NAV2: variants seen among roughly 807,000 people sequenced by gnomAD.
NAV2 encodes the protein helicase, APC down-regulated 1.
A neutral mutation model predicts 223.2 loss-of-function variants in NAV2; 54 were observed. The ratio of observed to expected loss-of-function variants is 0.24; its 90% confidence interval spans 0.19 to 0.30. NAV2 has a LOEUF of 0.30. Ranked by LOEUF, NAV2 falls within the 10% of genes least tolerant of loss-of-function variation. The probability of loss-of-function intolerance (pLI) is 1.00; values close to 1 mark genes in which losing one functional copy is unlikely to be tolerated. For synonymous variants in NAV2, 1,279 were observed against 1,239.3 expected, an observed-to-expected ratio of 1.03 and a Z score of -0.67; for missense variants, 2,806 against 3,147.5, an observed-to-expected ratio of 0.89 and a Z score of 2.60.
chr11:19,529,734 C>T (rs1254541596), intron 1 of NAV2, among the ~76,000 whole-genome samples: 3 of 152,128 alleles, frequency 2.0e-5, no homozygotes, highest in Admixed American at 2.0e-4. Flanking sequence ...CAGGGCACCC[C>T]CTTGTCCTGA....
intron 1 of NAV2, among the ~76,000 whole-genome samples, chr11:19,772,683 T>G (rs1191745052): frequency 1.3e-5 from 2 of 152,208 alleles, no homozygotes; most frequent in African/African-American, 4.8e-5. Flanking sequence ...TTTGTCATTT[T>G]AAGACCATGT....
intron 6 of NAV2, among the ~76,000 whole-genome samples, chr11:19,917,191 C>A (rs2043872862): frequency 6.6e-6 from 1 of 152,154 alleles, no homozygotes; most frequent in Admixed American, 6.5e-5. Flanking sequence ...CTGTGAGTTC[C>A]CATGAGGTGC....
At chr11:19,672,436 T>G (rs1180544536) in intron 1 of NAV2, among the ~76,000 whole-genome samples, 1 of 152,216 alleles carries the variant, frequency 6.6e-6, no homozygotes, top group African/African-American at 2.4e-5. Context: ...TATTCCTGGC[T>G]CTGCCACCAA....
intron 1 of NAV2, among the ~76,000 whole-genome samples, chr11:19,732,005 CT>C (rs2152419914): frequency 6.6e-6 from 1 of 152,180 alleles, no homozygotes; most frequent in East Asian, 1.9e-4. Context: ...AGAGTATGGG[CT>C]GGGAGGCTGA....
intron 1 of NAV2, among the ~76,000 whole-genome samples, chr11:19,669,233 C>T (rs1475224631): frequency 6.6e-6 from 1 of 152,344 alleles, no homozygotes; most frequent in East Asian, 1.9e-4. Flanking sequence ...CCCACAGGCT[C>T]CAGCCATGTT....
At chr11:20,103,902 C>G (rs2061828365) in intron 34 of NAV2, among the ~76,000 whole-genome samples, 178 bp downstream of exon 34, 1 of 152,214 alleles carries the variant, frequency 6.6e-6, no homozygotes, top group African/African-American at 2.4e-5. Flanking sequence ...ATTCACCACT[C>G]TCAGTTTACC....
At chr11:19,576,707 A>G (rs982076773) in intron 1 of NAV2, among the ~76,000 whole-genome samples, 2 of 152,184 alleles carry the variant, frequency 1.3e-5, no homozygotes, top group Non-Finnish European at 2.9e-5. Flanking sequence ...CTAATTCTGT[A>G]TGGTCCTTTT....
At chr11:19,462,625 G>A (rs1320971908) in intron 1 of NAV2, among the ~76,000 whole-genome samples, 1 of 152,238 alleles carries the variant, frequency 6.6e-6, no homozygotes, top group African/African-American at 2.4e-5. Context: ...AAGCACTGGA[G>A]CTTACAAGGC....
chr11:20,023,282 G>C (rs1164198864), intron 11 of NAV2: 1 of 504,890 alleles, frequency 2.0e-6, no homozygotes, highest in South Asian at 3.7e-5. Context: ...GTGTGTGAGT[G>C]GGGGTGGGAG....
chr11:19,951,184 G>T lies in NAV2; in HGVS notation c.2645+2104G>T, dbSNP rs777514841. On this transcript the variant is annotated intron_variant, in intron 10 of 37. Coordinates refer to ENST00000349880, the MANE Select transcript of NAV2 (RefSeq NM_145117.5). ...GGGCAGAGGGATTCTAGTTTCTATG[G>T]CTGGCCTCAGGGGAAATAGGATTGA... 7.2e-5 allele frequency among the ~76,000 whole-genome samples: 11 copies of T among 152,304 alleles called. No homozygotes were observed. The Middle Eastern group carries it at 0.01, about 141-fold the overall frequency.
chr11:20,031,731 G>T (rs111571621), intron 11 of NAV2, among the ~76,000 whole-genome samples: 1 of 129,616 alleles, frequency 7.7e-6, no homozygotes, highest in East Asian at 2.3e-4. Flanking sequence ...CTTCATTTTC[G>T]CTTTGTGTGT....
chr11:19,505,181 C>A (rs1216646224), intron 1 of NAV2: 1 of 152,274 alleles, frequency 6.6e-6, no homozygotes, highest in East Asian at 1.9e-4. Context: ...CACAGAGCAA[C>A]TGAACCTTGG....
intron 1 of NAV2, among the ~76,000 whole-genome samples, chr11:19,631,090 C>CT (rs528043926): frequency 5.6e-4 from 79 of 141,694 alleles, no homozygotes; most frequent in East Asian, 1.2e-3. Flanking sequence ...ATGGCCCTTT[C>CT]TTTTTTTTTT....
intron 22 of NAV2, among the ~76,000 whole-genome samples, chr11:20,069,911 A>G (rs1286600834): frequency 6.6e-6 from 1 of 152,140 alleles, no homozygotes; most frequent in Non-Finnish European, 1.5e-5. Context: ...CATACCTAGT[A>G]CAGTGCTTGA....
At chr11:20,117,573 C>T (rs944089664) in intron 37 of NAV2, among the ~76,000 whole-genome samples, 6 of 152,128 alleles carry the variant, frequency 3.9e-5, no homozygotes, top group African/African-American at 1.4e-4. Context: ...CCTGCCAAGG[C>T]TTCCACAGGA....
At chr11:19,418,815 C>T (rs1180030506) in intron 1 of NAV2, among the ~76,000 whole-genome samples, 1 of 152,112 alleles carries the variant, frequency 6.6e-6, no homozygotes, top group Admixed American at 6.6e-5. Flanking sequence ...TGCTATATAG[C>T]TGGGTGGCCA....
chr11:19,758,661 C>T (rs891507120), intron 1 of NAV2, among the ~76,000 whole-genome samples: 5 of 152,160 alleles, frequency 3.3e-5, no homozygotes, highest in East Asian at 3.8e-4. Flanking sequence ...TGCAGGGGAG[C>T]GGGGTTCAGG....
chr11:20,103,236 GCCTTC>G lies in NAV2; in HGVS notation c.6418-17_6418-13del. The G allele has an allele frequency of 6.2e-7, 1 of 1,603,254 alleles. No homozygotes were observed. ...GCATTCACCCACTTGTTCTCCTTCG[GCCTTC>G]CTGGCCACCATAGGAATTGCGCCAG... On this transcript the variant is annotated splice_polypyrimidine_tract_variant and intron_variant, in intron 32 of 37. Transcript: ENST00000349880.
chr11:19,979,181 T>A (rs1343614203), intron 10 of NAV2: 1 of 152,156 alleles, frequency 6.6e-6, no homozygotes, highest in Non-Finnish European at 1.5e-5. Flanking sequence ...TAGGAAATGG[T>A]GTGTTCTGAA....
Sources: allele counts gnomAD v4.1 joint callset (sites outside exome capture counted in the v4.1 genomes callset), GRCh38; gene constraint gnomAD v4.1.1; transcripts MANE v1.5; gene names NCBI Gene and HGNC (gene_info 2026-07-23, HGNC 2026-07-21).